Variants in RARB observed in about 807,000 individuals in gnomAD.
The protein encoded by RARB is HBV-activated protein.
RARB carries 17 observed loss-of-function variants against 51.9 expected under a neutral mutation model. That is an observed-to-expected ratio of 0.33 (90% CI 0.22 to 0.49). RARB has a LOEUF of 0.49. Ranked by LOEUF, RARB falls within the 20% of genes least tolerant of loss-of-function variation. RARB has a pLI of 0.99. For synonymous variants in RARB, 215 were observed against 195.4 expected, an observed-to-expected ratio of 1.10 and a Z score of -0.84; for missense variants, 369 against 550.8, an observed-to-expected ratio of 0.67 and a Z score of 3.30.
At chr3:25,581,098 C>T (rs1184423544) in intron 5 of RARB, among the ~76,000 whole-genome samples, 1 of 152,204 alleles carries the variant, frequency 6.6e-6, no homozygotes, top group Non-Finnish European at 1.5e-5. Flanking sequence ...CACTCTTCCT[C>T]AGGTCTGTTT....
At chr3:25,449,092 C>A (rs1236085023) in intron 1 of RARB, among the ~76,000 whole-genome samples, 1 of 152,068 alleles carries the variant, frequency 6.6e-6, no homozygotes, top group Non-Finnish European at 1.5e-5. Context: ...GGGCTGGGGG[C>A]TCAGAGTCCT....
chr3:25,009,406 G>A (rs981839903), intron 2 of RARB, among the ~76,000 whole-genome samples: 2 of 152,026 alleles, frequency 1.3e-5, no homozygotes, highest in Non-Finnish European at 2.9e-5. Flanking sequence ...AAGCAATCAT[G>A]CCCTTACATC....
In RARB at chr3:24,877,346, CTTTTT is replaced by C. The variant is rs66976672; in HGVS notation, c.-380+18607_-380+18611del. On this transcript the variant is annotated intron_variant, in intron 2 of 11. Transcript: ENST00000383772. ...ATAGTAATTTTTTAAAGCAATCTTACTTTTTTTTTTTTTTTTTGGAAAATTCACAT... is the reference window on the plus strand; with the variant it reads ...ATAGTAATTTTTTAAAGCAATCTTACTTTTTTTTTTTTGGAAAATTCACAT... Among the ~76,000 whole-genome samples the C allele has an allele frequency of 4.5e-4, 37 of 81,908 alleles. 2 individuals are homozygous for C. Among genetic ancestry groups the C allele is most frequent in the Admixed American group, 1.5e-3 (9 of 5,910 alleles). The allele number at this position is 81,908 out of a possible 152,430, so 53.7% of individuals were successfully genotyped here. A position where few individuals can be genotyped will look rare whatever the true frequency, so the allele number is the denominator to read the frequency against.
intron 3 of RARB, among the ~76,000 whole-genome samples, chr3:25,536,472 C>T (rs2125649506): frequency 6.6e-6 from 1 of 152,240 alleles, no homozygotes; most frequent in East Asian, 1.9e-4. Context: ...ACAGTAAAAA[C>T]CCACCATGGG....
intron 3 of RARB, among the ~76,000 whole-genome samples, chr3:25,066,514 A>AC (rs1479397416): frequency 6.6e-6 from 1 of 151,780 alleles, no homozygotes. Flanking sequence ...AACTTCTAGA[A>AC]CTCCTGCTCC....
chr3:25,345,664 C>CAAAAAAAAAAAAAA (rs71061207), intron 5 of RARB, among the ~76,000 whole-genome samples: 2 of 96,488 alleles, frequency 2.1e-5, no homozygotes, highest in African/African-American at 9.5e-5. Context: ...GACTCCGTCT[C>CAAAAAAAAAAAAAA]AAAAAAAAAA....
chr3:25,440,521 C>T (rs1337976883), intron 1 of RARB, among the ~76,000 whole-genome samples: 1 of 151,362 alleles, frequency 6.6e-6, no homozygotes, highest in African/African-American at 2.4e-5. Flanking sequence ...ACCTGTAATC[C>T]CAGCACTTTG....
At chr3:25,043,024 T>C (rs1470321608) in intron 2 of RARB, among the ~76,000 whole-genome samples, 2 of 152,188 alleles carry the variant, frequency 1.3e-5, no homozygotes, top group African/African-American at 2.4e-5. Flanking sequence ...GTTTTGTGAA[T>C]TGGATGTGCC....
At chr3:25,319,825 T>C in intron 5 of RARB, among the ~76,000 whole-genome samples, 1 of 152,176 alleles carries the variant, frequency 6.6e-6, no homozygotes, top group Non-Finnish European at 1.5e-5. Context: ...GACAGACATT[T>C]ATTGATTCAG....
chr3:25,102,249 T>C (rs1699414794), intron 3 of RARB, among the ~76,000 whole-genome samples: 1 of 152,050 alleles, frequency 6.6e-6, no homozygotes, highest in Non-Finnish European at 1.5e-5. Flanking sequence ...CCATGAAATA[T>C]GTTCAGATTG....
At chr3:25,206,797 T>G (rs996336577) in intron 5 of RARB, among the ~76,000 whole-genome samples, 5 of 152,212 alleles carry the variant, frequency 3.3e-5, no homozygotes, top group African/African-American at 2.4e-5. Context: ...AAGAGATTTC[T>G]CCAAACCCTG....
chr3:24,838,927 G>GGT (rs557012614), intron 1 of RARB, among the ~76,000 whole-genome samples: 1 of 146,196 alleles, frequency 6.8e-6, no homozygotes, highest in African/African-American at 2.5e-5. Flanking sequence ...AAATCTCCAG[G>GGT]TTTTTTTTTT....
At chr3:24,928,203 G>A (rs1695360673) in intron 2 of RARB, among the ~76,000 whole-genome samples, 2 of 151,836 alleles carry the variant, frequency 1.3e-5, no homozygotes, top group Admixed American at 6.6e-5. Context: ...TGTTTCCATT[G>A]CTTATGCAGT....
At chr3:25,014,191 T>C (rs2125281370) in intron 2 of RARB, among the ~76,000 whole-genome samples, 1 of 152,306 alleles carries the variant, frequency 6.6e-6, no homozygotes, top group East Asian at 1.9e-4. Flanking sequence ...GCATGCCTTT[T>C]TGCAATATAA....
intron 2 of RARB, chr3:25,024,904 G>A (rs1192938978): frequency 1.5e-5 from 2 of 131,884 alleles, no homozygotes; most frequent in Non-Finnish European, 3.1e-5. Flanking sequence ...AGTGAGCCGA[G>A]ATCATGCCAC....
rs571721969 is a variant in RARB at position 24,880,619 on chromosome 3, G to C, written c.-380+21867G>C. On this transcript the variant is annotated intron_variant, in intron 2 of 11. Coordinates refer to the RARB transcript ENST00000383772. ...ATGAGAGTTCCCTAAAATCCTAGAAGGGACTTCATGAGGTGTCACCTATAT... is the reference window on the plus strand; with the variant it reads ...ATGAGAGTTCCCTAAAATCCTAGAACGGACTTCATGAGGTGTCACCTATAT... Among the ~76,000 whole-genome samples the C allele has an allele frequency of 2.6e-5, 4 of 152,102 alleles. No individual in the cohort carries two copies. The East Asian group carries it at 7.8e-4, about 30-fold the overall frequency.
At chr3:25,165,547 G>A (rs1169247510) in intron 4 of RARB, among the ~76,000 whole-genome samples, 1 of 152,084 alleles carries the variant, frequency 6.6e-6, no homozygotes, top group East Asian at 1.9e-4. Context: ...CCAAATCCTA[G>A]GCCAGTCATT....
chr3:25,283,056 G>C, intron 5 of RARB, among the ~76,000 whole-genome samples: 1 of 152,162 alleles, frequency 6.6e-6, no homozygotes, highest in South Asian at 2.1e-4. Flanking sequence ...ACGCAGAGTG[G>C]TTATGTAGCT....
chr3:24,876,781 C>A (rs530897517), intron 2 of RARB, among the ~76,000 whole-genome samples: 9 of 152,070 alleles, frequency 5.9e-5, no homozygotes, highest in Non-Finnish European at 8.8e-5. Context: ...ACAAAATTTT[C>A]TTACGTATGG....
Sources: allele counts gnomAD v4.1 joint callset (sites outside exome capture counted in the v4.1 genomes callset), GRCh38; gene constraint gnomAD v4.1.1; transcripts MANE v1.5; gene names NCBI Gene and HGNC (gene_info 2026-07-23, HGNC 2026-07-21).